The following CIMIP6 variants were observed in gnomAD, a reference collection of about 807,000 sequenced individuals.
The protein encoded by CIMIP6 is ciliary microtubule inner protein 6, also known as uncharacterized protein C2orf73.
chr2:54,333,078 T>C, the CIMIP6 span, among the ~76,000 whole-genome samples: 4 of 152,198 alleles, frequency 2.6e-5, no homozygotes, highest in Non-Finnish European at 4.4e-5. Flanking sequence ...GTAAATGTTA[T>C]AATGGCAGTC....
the CIMIP6 span, chr2:54,360,308 C>G: frequency 6.2e-7 from 1 of 1,611,820 alleles, no homozygotes. Flanking sequence ...TTCATCAGAA[C>G]AGTCCAAAAA....
At chr2:54,362,442 A>T in the CIMIP6 span, among the ~76,000 whole-genome samples, 1 of 152,232 alleles carries the variant, frequency 6.6e-6, no homozygotes, top group South Asian at 2.1e-4. Flanking sequence ...CTTTTCTGTT[A>T]TTTCCATCCC....
chr2:54,346,916 C>G, the CIMIP6 span, among the ~76,000 whole-genome samples: 3 of 152,138 alleles, frequency 2.0e-5, no homozygotes, highest in Non-Finnish European at 2.9e-5. Flanking sequence ...CCTACACGGC[C>G]CTTTTTGATC....
At chr2:54,338,305 A>C in the CIMIP6 span, among the ~76,000 whole-genome samples, 1 of 151,824 alleles carries the variant, frequency 6.6e-6, no homozygotes, top group South Asian at 2.1e-4. Context: ...TGTGGTGGCA[A>C]GCCTCCGTAG....
chr2:54,347,736 G>A, the CIMIP6 span, among the ~76,000 whole-genome samples: 2 of 152,110 alleles, frequency 1.3e-5, no homozygotes, highest in South Asian at 2.1e-4. Flanking sequence ...GAAAATCCAG[G>A]AGTCCCATAA....
At chr2:54,372,243 T>C in the CIMIP6 span, among the ~76,000 whole-genome samples, 2 of 152,276 alleles carry the variant, frequency 1.3e-5, no homozygotes, top group African/African-American at 4.8e-5. Context: ...ATGCCCACCC[T>C]CTTCATCACC....
chr2:54,365,522 G>A, the CIMIP6 span, among the ~76,000 whole-genome samples: 3 of 152,144 alleles, frequency 2.0e-5, no homozygotes, highest in East Asian at 5.8e-4. Context: ...TACTTAAAAT[G>A]ACTCAAGACA....
chr2:54,331,031 C>A, the CIMIP6 span: 1 of 1,612,854 alleles, frequency 6.2e-7, no homozygotes, highest in South Asian at 1.1e-5. Flanking sequence ...GTCTTATTTC[C>A]CTTTCCAAAA....
the CIMIP6 span, among the ~76,000 whole-genome samples, chr2:54,374,753 A>C: frequency 2.0e-5 from 3 of 152,230 alleles, no homozygotes; most frequent in Non-Finnish European, 4.4e-5. Flanking sequence ...TAAAGGCAGA[A>C]TCAGCCAGTG....
chr2:54,364,287 T>C, the CIMIP6 span, among the ~76,000 whole-genome samples: 1 of 152,212 alleles, frequency 6.6e-6, no homozygotes, highest in African/African-American at 2.4e-5. Context: ...CAAAGAATGA[T>C]AGCCTTTACC....
At chr2:54,365,734 A>G in the CIMIP6 span, among the ~76,000 whole-genome samples, 1 of 152,304 alleles carries the variant, frequency 6.6e-6, no homozygotes, top group Non-Finnish European at 1.5e-5. Flanking sequence ...AAATTAAACA[A>G]AAAGTATACA....
chr2:54,374,573 A>G, the CIMIP6 span, among the ~76,000 whole-genome samples: 1 of 152,220 alleles, frequency 6.6e-6, no homozygotes, highest in Non-Finnish European at 1.5e-5. Flanking sequence ...CCATTTAAAG[A>G]ACTTAAATAT....
chr2:54,367,431 A>G, the CIMIP6 span, among the ~76,000 whole-genome samples: 2 of 152,074 alleles, frequency 1.3e-5, no homozygotes, highest in African/African-American at 4.8e-5. Context: ...CAAAATCTGG[A>G]AACTATTGGT....
At chr2:54,356,325 GACA>G in the CIMIP6 span, among the ~76,000 whole-genome samples, 4 of 152,094 alleles carry the variant, frequency 2.6e-5, no homozygotes, top group Non-Finnish European at 5.9e-5. Context: ...TTACTGTATT[GACA>G]ACAACTGGCT....
At chr2:54,346,041 T>C in the CIMIP6 span, among the ~76,000 whole-genome samples, 115,676 of 152,060 alleles carry the variant, frequency 0.76, 44,179 homozygotes, top group Non-Finnish European at 0.8. Context: ...CCATTTTTTT[T>C]CAAGTGGCAC....
chr2:54,348,732 G>C, the CIMIP6 span, among the ~76,000 whole-genome samples: 1 of 152,138 alleles, frequency 6.6e-6, no homozygotes, highest in Non-Finnish European at 1.5e-5. Context: ...ATATGAACAT[G>C]CACATAAACA....
chr2:54,378,742 T>C, the CIMIP6 span, among the ~76,000 whole-genome samples: 1 of 152,218 alleles, frequency 6.6e-6, no homozygotes, highest in East Asian at 1.9e-4. Context: ...TTGTCCCCTC[T>C]ACTCTGTTTA....
At chr2:54,370,258 A>C in the CIMIP6 span, among the ~76,000 whole-genome samples, 1 of 152,258 alleles carries the variant, frequency 6.6e-6, no homozygotes, top group Non-Finnish European at 1.5e-5. Context: ...CTGTCTCAAA[A>C]AAAGAGAAAG....
At chr2:54,352,284 AG>A in the CIMIP6 span, among the ~76,000 whole-genome samples, 1 of 152,196 alleles carries the variant, frequency 6.6e-6, no homozygotes, top group Non-Finnish European at 1.5e-5. Flanking sequence ...GTATTAGTAA[AG>A]CATTAAATTT....
Sources: gnomAD v4.1 joint callset for allele counts (sites outside exome capture counted in the v4.1 genomes callset) on GRCh38, gnomAD v4.1.1 for gene constraint, MANE v1.5 for transcripts, NCBI Gene and HGNC (gene_info 2026-07-23, HGNC 2026-07-21) for gene names.